ATP11A: variants seen among roughly 807,000 people sequenced by gnomAD.
ATP11A encodes the protein phospholipid-transporting ATPase IH.
A neutral mutation model predicts 154.4 loss-of-function variants in ATP11A; 81 were observed. That is an observed-to-expected ratio of 0.52 (90% confidence interval 0.44 to 0.63). The LOEUF (loss-of-function observed/expected upper bound fraction) is 0.63, where lower values mean the gene tolerates loss of function less well. Ranked by LOEUF, ATP11A falls within the 30% of genes least tolerant of loss-of-function variation. The probability of loss-of-function intolerance (pLI) is 0.00; values close to 1 mark genes in which losing one functional copy is unlikely to be tolerated. For synonymous variants in ATP11A, 623 were observed against 585.9 expected, an observed-to-expected ratio of 1.06 and a Z score of -0.91; for missense variants, 1,316 against 1,474.3, an observed-to-expected ratio of 0.89 and a Z score of 1.76.
At chr13:112,774,587 G>A (rs1451580052) in intron 1 of ATP11A, among the ~76,000 whole-genome samples, 1 of 152,196 alleles carries the variant, frequency 6.6e-6, no homozygotes. Flanking sequence ...TCACAGTTGC[G>A]GCTCATTTCA....
At chr13:112,822,074 A>C (rs777137946) in intron 8 of ATP11A, among the ~76,000 whole-genome samples, 2 of 152,202 alleles carry the variant, frequency 1.3e-5, no homozygotes, top group Non-Finnish European at 2.9e-5. Context: ...TTTTACATTC[A>C]TAATATTCAG....
chr13:112,700,477 C>T (rs1372110944), intron 1 of ATP11A, among the ~76,000 whole-genome samples: 1 of 152,356 alleles, frequency 6.6e-6, no homozygotes, highest in East Asian at 1.9e-4. Context: ...TGTGAAGGAG[C>T]ACTGTGCCAT....
intron 1 of ATP11A, among the ~76,000 whole-genome samples, chr13:112,706,338 TAGTA>T (rs1283850528): frequency 6.6e-6 from 1 of 152,204 alleles, no homozygotes; most frequent in Non-Finnish European, 1.5e-5. Flanking sequence ...TCATACTTGA[TAGTA>T]AGAGACAGAA....
chr13:112,857,733 A>G (rs1161200920), intron 20 of ATP11A, 85 bp from the exon 21 acceptor site: 22 of 1,128,854 alleles, frequency 1.9e-5, no homozygotes, highest in African/African-American at 1.1e-4. Flanking sequence ...CTAACTTTTC[A>G]TCTTTGTTAT....
At chr13:112,741,462 C>T (rs1891534868) in intron 1 of ATP11A, among the ~76,000 whole-genome samples, 1 of 152,170 alleles carries the variant, frequency 6.6e-6, no homozygotes, top group African/African-American at 2.4e-5. Flanking sequence ...TCTCTGGGGG[C>T]ACCTGTCATG....
At chr13:112,850,935 A>G (rs559907298) in intron 17 of ATP11A, 102 bp from the exon 18 acceptor site, 4 of 1,030,366 alleles carry the variant, frequency 3.9e-6, no homozygotes, top group East Asian at 4.8e-5. Flanking sequence ...TTCTTGGGTT[A>G]GTTAGTCTAA....
At chr13:112,817,819 G>T (rs2078685099) in intron 6 of ATP11A, among the ~76,000 whole-genome samples, 2 of 152,158 alleles carry the variant, frequency 1.3e-5, no homozygotes, top group Non-Finnish European at 2.9e-5. Flanking sequence ...TGTCCTTTTT[G>T]TGCATTTTGT....
intron 28 of ATP11A, among the ~76,000 whole-genome samples, chr13:112,876,479 C>G (rs752176643): frequency 1.3e-5 from 2 of 152,128 alleles, no homozygotes; most frequent in Non-Finnish European, 2.9e-5. Flanking sequence ...TCCTTTTCAG[C>G]AGCTGGCCTC....
At position 112,746,129 on chromosome 13, in the gene ATP11A, G is replaced by GGCGGCGGTGATCGTGAGTGCT. The variant is rs1452814315; in HGVS notation, c.40-38991_40-38990insAGTGCTGCGGCGGTGATCGTG. ...TCTGCCGTAGGCCGCTGTGAATGCTGGCGGCGGTGATCGTGTGCTGACGTC... is the reference window on the plus strand; with the variant it reads ...TCTGCCGTAGGCCGCTGTGAATGCTGGCGGCGGTGATCGTGAGTGCTGCGGCGGTGATCGTGTGCTGACGTC... On this transcript the variant is annotated intron_variant, in intron 1 of 29. Coordinates refer to ENST00000375645, the MANE Select transcript of ATP11A (RefSeq NM_015205.3). This position sits in a 1 kb window ranked among gnomAD's most constrained non-coding sequence, Gnocchi z 4.1. The GGCGGCGGTGATCGTGAGTGCT allele has an allele frequency of 1.4e-5, 2 of 144,024 alleles. No individual in the cohort carries two copies. Among genetic ancestry groups the GGCGGCGGTGATCGTGAGTGCT allele is most frequent in the African/African-American group, 5.9e-5 (2 of 33,690 alleles). The allele number at this position is 144,024 out of a possible 1,614,324, so 8.9% of individuals were successfully genotyped here.
chr13:112,791,993 A>G (rs968290527), intron 2 of ATP11A, among the ~76,000 whole-genome samples: 3 of 152,102 alleles, frequency 2.0e-5, no homozygotes, highest in African/African-American at 4.8e-5. Context: ...CCAGGAGAGC[A>G]CTTGGCCGCC....
chr13:112,775,851 C>T lies in ATP11A; in HGVS notation c.40-9284C>T, dbSNP rs181828391. On this transcript the variant is annotated intron_variant, in intron 1 of 29. Transcript: ENST00000375645. ...CGCAGGGCGGGCGCGACTTAGTTCA[C>T]GACAACCTAGTTTCTGCCCCCAGTT... Among the ~76,000 whole-genome samples, 63 of 152,320 alleles carry T rather than the reference C, an allele frequency of 4.1e-4. 1 individual carries two copies. The highest frequency in any genetic ancestry group is 1.3e-3 in the African/African-American group (53 of 41,590).
chr13:112,697,416 G>A lies in ATP11A; in HGVS notation c.39+6961G>A, dbSNP rs1885998241. Among the ~76,000 whole-genome samples the A allele has an allele frequency of 6.6e-6, 1 of 152,062 alleles. No individual in the cohort carries two copies. Among genetic ancestry groups the A allele is most frequent in the South Asian group, 2.1e-4 (1 of 4,800 alleles). On this transcript the variant is annotated intron_variant, in intron 1 of 29. Transcript: ENST00000375645. The surrounding 1 kb of genome is among the most constrained non-coding windows in gnomAD (Gnocchi z 4.0). ...TGCTGGGCCAACACCGAGACCCCAG[G>A]TCATTAGTGTTAATCAGAGTGATGA...
At chr13:112,743,045 A>C (rs1177457124) in intron 1 of ATP11A, among the ~76,000 whole-genome samples, 1 of 152,100 alleles carries the variant, frequency 6.6e-6, no homozygotes, top group Non-Finnish European at 1.5e-5. Flanking sequence ...AGCAGACCTC[A>C]CCTGTGCAGA....
At chr13:112,833,260 G>T (rs2079146861) in intron 14 of ATP11A, among the ~76,000 whole-genome samples, 1 of 152,086 alleles carries the variant, frequency 6.6e-6, no homozygotes, top group South Asian at 2.1e-4. Flanking sequence ...CTTTGCGTGG[G>T]TGGCTTTTCC....
In ATP11A at chr13:112,881,953, G is replaced by C; in HGVS notation, c.*87G>C. 1 of 1,367,776 alleles carries C rather than the reference G, an allele frequency of 7.3e-7. No individual in the cohort carries two copies. The highest frequency in any genetic ancestry group is 9.8e-7 in the Non-Finnish European group (1 of 1,021,988). 84.7% of individuals were successfully genotyped at this position (1,367,776 alleles called of 1,614,324 possible). A position where few individuals can be genotyped will look rare whatever the true frequency, so the allele number is the denominator to read the frequency against. On this transcript the variant is annotated 3_prime_UTR_variant, in exon 30 of 30. Coordinates refer to ENST00000375645, the MANE Select transcript of ATP11A (RefSeq NM_015205.3). Reference sequence around the variant, plus strand: ...CTCAGCAGGTGACACTCGCGGCCTGGAAGGAGAAGGTGTCCACGGAGCCCC... The same window carrying C: ...CTCAGCAGGTGACACTCGCGGCCTGCAAGGAGAAGGTGTCCACGGAGCCCC...
Position 112,862,590 on chromosome 13 carries a change from C to T in ATP11A, c.2991+15C>T, listed in dbSNP as rs200776110. On this transcript the variant is annotated intron_variant, in intron 25 of 29. Transcript: ENST00000375645. Reference sequence around the variant, plus strand: ...GCAACGGGCAGGTCAGTACAGAGCTCGATTGCGCTGACTTAGCTGCTTAGG... The same window carrying T: ...GCAACGGGCAGGTCAGTACAGAGCTTGATTGCGCTGACTTAGCTGCTTAGG... The T allele has an allele frequency of 2.6e-5, 42 of 1,613,934 alleles. No individual in the cohort carries two copies. In the Admixed American group the frequency reaches 5.2e-4, roughly 20 times the overall value.
At chr13:112,776,648 T>TG (rs1460473107) in intron 1 of ATP11A, among the ~76,000 whole-genome samples, 2 of 152,322 alleles carry the variant, frequency 1.3e-5, no homozygotes, top group East Asian at 3.9e-4. Flanking sequence ...CAGGCTGAAA[T>TG]GCAGTGGCAC....
intron 2 of ATP11A, among the ~76,000 whole-genome samples, chr13:112,797,752 A>T (rs925689470): frequency 6.6e-6 from 1 of 152,224 alleles, no homozygotes; most frequent in African/African-American, 2.4e-5. Context: ...TTGCCAGTAG[A>T]CCTCCCTTGC....
intron 1 of ATP11A, among the ~76,000 whole-genome samples, chr13:112,741,298 G>A (rs1891518393): frequency 1.3e-5 from 2 of 148,890 alleles, no homozygotes; most frequent in African/African-American, 5.0e-5. Flanking sequence ...GGCAGGAGCT[G>A]TAGTCGGGAG....
Sources: gnomAD v4.1 joint callset for allele counts (sites outside exome capture counted in the v4.1 genomes callset) on GRCh38, gnomAD v4.1.1 for gene constraint, Gnocchi (gnomAD v3.1) non-coding constraint, MANE v1.5 for transcripts, NCBI Gene and HGNC (gene_info 2026-07-23, HGNC 2026-07-21) for gene names.